SMG1: variants seen among roughly 807,000 people sequenced by gnomAD.
SMG1 encodes SMG1 nonsense mediated mRNA decay associated PI3K related kinase.
Under a neutral mutation model 419.9 loss-of-function variants are expected in SMG1, and 22 were observed. The ratio of observed to expected loss-of-function variants is 0.05; its 90% confidence interval spans 0.04 to 0.07. The LOEUF (loss-of-function observed/expected upper bound fraction) is 0.07. SMG1 is among the 10% of genes least tolerant of loss of function. The probability of loss-of-function intolerance (pLI) is 1.00; values close to 1 mark genes in which losing one functional copy is unlikely to be tolerated. For missense variants in SMG1, 3,185 were observed against 4,342.0 expected (o/e 0.73, Z 7.49); for synonymous variants, 1,538 against 1,553.5 (o/e 0.99, Z 0.23).
At chr16:18,890,405 A>C (rs905176231) in intron 5 of SMG1, among the ~76,000 whole-genome samples, 23 of 152,248 alleles carry the variant, frequency 1.5e-4, no homozygotes, top group African/African-American at 4.8e-4. Context: ...TGGGAGGCTA[A>C]GGTGGGTGGA....
At position 18,829,601 on chromosome 16, in the gene SMG1, C is replaced by T; in HGVS notation, c.9288G>A (p.Gly3096=). The change falls in exon 54 of 63, where the codon GGG becomes GGA. Residue 3096 remains glycine (G), a synonymous_variant. Transcript: ENST00000446231. ...TGAGTCCGAGGGCTTGGTTGGGTAG[C>T]CCTATCAAGAGCTGCCTCACAAAGT... ...TADFVRQLLI[G]LPNQALGLTL... 1 of 1,613,940 alleles carries T rather than the reference C, an allele frequency of 6.2e-7. No homozygotes were observed.
intron 29 of SMG1, 49 bp from the exon 30 acceptor site, chr16:18,854,953 C>T (rs766015793): frequency 1.3e-6 from 2 of 1,561,644 alleles, no homozygotes; most frequent in South Asian, 1.2e-5. Flanking sequence ...CTAAACCAGA[C>T]TGCATGGAAA....
intron 10 of SMG1, among the ~76,000 whole-genome samples, chr16:18,880,180 A>G (rs1391206235): frequency 1.3e-5 from 2 of 152,206 alleles, no homozygotes; most frequent in Non-Finnish European, 2.9e-5. Flanking sequence ...CTATCTACTG[A>G]TGGTCTCTTT....
chr16:18,818,754 GTAATAGTTTT>G (rs2032246130), intron 56 of SMG1, among the ~76,000 whole-genome samples: 2 of 134,886 alleles, frequency 1.5e-5, no homozygotes, highest in African/African-American at 5.1e-5. Context: ...GAAAATGTCC[GTAATAGTTTT>G]TTTGGTTCTC....
intron 31 of SMG1, among the ~76,000 whole-genome samples, chr16:18,852,787 G>A (rs1424883028): frequency 6.6e-6 from 1 of 152,136 alleles, no homozygotes. Flanking sequence ...GAATCGGACT[G>A]GCTATTTCCT....
intron 1 of SMG1, among the ~76,000 whole-genome samples, chr16:18,915,403 T>C (rs983597417): frequency 2.0e-5 from 3 of 152,144 alleles, no homozygotes; most frequent in African/African-American, 7.2e-5. Context: ...AGGAACGCTT[T>C]CCCCAAAAAC....
chr16:18,874,790 C>T (rs139188538), intron 13 of SMG1, among the ~76,000 whole-genome samples: 1,836 of 129,778 alleles, frequency 0.014, 52 homozygotes, highest in African/African-American at 0.05. Flanking sequence ...TGCTGGAACC[C>T]GGGAGGCAGA....
In SMG1 at chr16:18,839,755, A is replaced by G; in HGVS notation, c.6888T>C (p.Leu2296=). The change falls in exon 42 of 63, where the codon CTT becomes CTC. Residue 2296 remains leucine (L), a synonymous_variant. Transcript: ENST00000446231. ...ELMEATPPNL[L]AKELWSSCTT... is the part of the protein sequence containing the mutation. ...TGCAAGATGACCAGAGCTCTTTGGC[A>G]AGGAGATTCGGGGGTGTGGCCTCCA... The G allele has an allele frequency of 6.2e-7, 1 of 1,614,006 alleles. No homozygotes were observed. The highest frequency in any genetic ancestry group is 1.7e-5 in the Admixed American group (1 of 60,020).
At chr16:18,885,458 G>C (rs1371921572) in intron 7 of SMG1, 83 bp downstream of exon 7, 1 of 1,530,614 alleles carries the variant, frequency 6.5e-7, no homozygotes, top group Non-Finnish European at 8.9e-7. Flanking sequence ...CTGAGGCATT[G>C]TTTTCCATCT....
rs773848724 is a variant in SMG1, at chr16:18,871,322, T to C, written c.2302+42A>G. ...CCATTACCAAAGACCCTTTTAAGGA[T>C]TGATAAACAAAATAGAAAAAAAAAA... is the stretch of plus-strand genomic sequence containing the variant. On this transcript the variant is annotated intron_variant, in intron 16 of 62. Transcript: ENST00000446231. The C allele has an allele frequency of 3.3e-4, 331 of 999,984 alleles. 2 individuals are homozygous for C. The highest frequency in any genetic ancestry group is 1.2e-3 in the African/African-American group (70 of 57,338). The allele number at this position is 999,984 out of a possible 1,614,324, so 61.9% of individuals were successfully genotyped here. A position where few individuals can be genotyped will look rare whatever the true frequency, so the allele number is the denominator to read the frequency against.
At chr16:18,913,138 G>C (rs2037851801) in intron 1 of SMG1, among the ~76,000 whole-genome samples, 1 of 152,062 alleles carries the variant, frequency 6.6e-6, no homozygotes, top group South Asian at 2.1e-4. Flanking sequence ...TTTTCTGTCT[G>C]GCAAATCTGA....
intron 36 of SMG1, among the ~76,000 whole-genome samples, 161 bp downstream of exon 36, chr16:18,849,056 T>G (rs2034432787): frequency 9.8e-6 from 1 of 102,216 alleles, no homozygotes. Context: ...GGTGACAGAG[T>G]GAGACTCCAT....
At chr16:18,883,366 G>A (rs973340678) in intron 9 of SMG1, among the ~76,000 whole-genome samples, 5 of 152,218 alleles carry the variant, frequency 3.3e-5, no homozygotes, top group Non-Finnish European at 5.9e-5. Flanking sequence ...TCCAAAGTAC[G>A]ATTCAAGATC....
chr16:18,885,262 A>G (rs2036566273), intron 7 of SMG1, 100 bp from the exon 8 acceptor site: 2 of 655,064 alleles, frequency 3.1e-6, no homozygotes, highest in East Asian at 2.7e-5. Flanking sequence ...AGGAGCATCT[A>G]TGTTCTACCT....
chr16:18,814,406 G>A (rs1044852122), intron 60 of SMG1, among the ~76,000 whole-genome samples: 3 of 151,698 alleles, frequency 2.0e-5, no homozygotes, highest in African/African-American at 4.8e-5. Flanking sequence ...AGCTGAGGCA[G>A]GAGAATTGCT....
At chr16:18,911,443 G>A (rs2037788874) in intron 1 of SMG1, 1 of 152,152 alleles carries the variant, frequency 6.6e-6, no homozygotes, top group Non-Finnish European at 1.5e-5. Flanking sequence ...GGGTGGCGGA[G>A]GTTGCAGTGA....
chr16:18,889,143 A>G (rs2036772264), intron 6 of SMG1, among the ~76,000 whole-genome samples: 1 of 152,170 alleles, frequency 6.6e-6, no homozygotes, highest in Non-Finnish European at 1.5e-5. Flanking sequence ...ATTTCTTAGA[A>G]GAAATCTCTC....
chr16:18,889,178 T>A (rs531202974), intron 6 of SMG1, among the ~76,000 whole-genome samples, 194 bp downstream of exon 6: 228 of 152,230 alleles, frequency 1.5e-3, no homozygotes, highest in Non-Finnish European at 2.4e-3. Context: ...TATATGCATA[T>A]ATGTATGTAG....
chr16:18,903,523 T>C (rs536598131), intron 1 of SMG1, among the ~76,000 whole-genome samples: 1 of 152,340 alleles, frequency 6.6e-6, no homozygotes, highest in South Asian at 2.1e-4. Flanking sequence ...TTCTGCTTCA[T>C]GAGAAGTAGA....
Sources: allele counts gnomAD v4.1 joint callset (sites outside exome capture counted in the v4.1 genomes callset), GRCh38; gene constraint gnomAD v4.1.1; transcripts MANE v1.5; gene names NCBI Gene and HGNC (gene_info 2026-07-23, HGNC 2026-07-21).